PLXNA2: variants seen among roughly 807,000 people sequenced by gnomAD.
The protein encoded by PLXNA2 is plexin-A2.
In PLXNA2, 91 loss-of-function variants were observed where a neutral mutation model predicts 193.5. That is an observed-to-expected ratio of 0.47 (90% CI 0.40 to 0.56). The LOEUF (loss-of-function observed/expected upper bound fraction) is 0.56, where lower values mean the gene tolerates loss of function less well. PLXNA2 is among the 20% of genes least tolerant of loss of function. The probability of loss-of-function intolerance (pLI) is 0.00; values close to 1 mark genes in which losing one functional copy is unlikely to be tolerated. For synonymous variants in PLXNA2, 997 were observed against 1,027.3 expected (o/e 0.97, Z 0.56); for missense variants, 1,995 against 2,503.2 (o/e 0.80, Z 4.33).
At chr1:208,196,435 A>T (rs945602266) in intron 3 of PLXNA2, among the ~76,000 whole-genome samples, 2 of 152,234 alleles carry the variant, frequency 1.3e-5, no homozygotes, top group Non-Finnish European at 2.9e-5. Context: ...GCACTTACAC[A>T]GAGTGGGTAA....
chr1:208,134,036 AAC>A (rs1668233341), intron 4 of PLXNA2, among the ~76,000 whole-genome samples: 1 of 152,190 alleles, frequency 6.6e-6, no homozygotes. Flanking sequence ...GAGAGTCTCC[AAC>A]CCCCTTGCCC....
At chr1:208,138,506 C>T (rs570836998) in intron 4 of PLXNA2, among the ~76,000 whole-genome samples, 1 of 152,354 alleles carries the variant, frequency 6.6e-6, no homozygotes, top group South Asian at 2.1e-4. Flanking sequence ...CATAACCAAA[C>T]CAGCATTCCA....
At chr1:208,213,076 C>T (rs1412004021) in intron 2 of PLXNA2, among the ~76,000 whole-genome samples, 1 of 152,060 alleles carries the variant, frequency 6.6e-6, no homozygotes, top group African/African-American at 2.4e-5. Context: ...TAGCCCAAGT[C>T]AGCTTTTGAG....
chr1:208,043,323 G>C (rs377451465), intron 20 of PLXNA2, 120 bp from the exon 21 acceptor site: 8 of 907,096 alleles, frequency 8.8e-6, no homozygotes, highest in Middle Eastern at 3.3e-4. Flanking sequence ...TGAGGATTAC[G>C]GGAGTGTGTC....
At chr1:208,108,552 C>T (rs1667348552) in intron 4 of PLXNA2, among the ~76,000 whole-genome samples, 1 of 152,218 alleles carries the variant, frequency 6.6e-6, no homozygotes, top group African/African-American at 2.4e-5. Flanking sequence ...GAAGGACCCA[C>T]ATGGTTCTGA....
At position 208,096,007 on chromosome 1, in the gene PLXNA2, ACC is replaced by A; in HGVS notation, c.1982+20_1982+21del. 6.3e-7 allele frequency: 1 copy of A among 1,578,674 alleles called. No individual in the cohort carries two copies. Among genetic ancestry groups the A allele is most frequent in the Non-Finnish European group, 8.7e-7 (1 of 1,147,780 alleles). Reference sequence around the variant, plus strand: ...TACCCACATCCAGACCCAGAGCAAGACCCTTTCTAATAAGCACTTACAGTTGG... The same window carrying A: ...TACCCACATCCAGACCCAGAGCAAGACTTTCTAATAAGCACTTACAGTTGG... On this transcript the variant is annotated intron_variant, in intron 8 of 31. Coordinates refer to ENST00000367033, the MANE Select transcript of PLXNA2 (RefSeq NM_025179.4).
intron 17 of PLXNA2, among the ~76,000 whole-genome samples, chr1:208,049,141 G>A (rs1665169754): frequency 6.6e-6 from 1 of 152,024 alleles, no homozygotes; most frequent in African/African-American, 2.4e-5. Flanking sequence ...TTCTCCCTCC[G>A]CCTCCAGGCA....
At chr1:208,176,307 C>T (rs550654516) in intron 3 of PLXNA2, among the ~76,000 whole-genome samples, 2 of 152,280 alleles carry the variant, frequency 1.3e-5, no homozygotes, top group Admixed American at 6.5e-5. Flanking sequence ...GAGGCTGTCA[C>T]CCCTTCTTTA....
At chr1:208,231,328 C>G (rs1362735358) in intron 1 of PLXNA2, among the ~76,000 whole-genome samples, 3 of 151,988 alleles carry the variant, frequency 2.0e-5, no homozygotes, top group African/African-American at 7.3e-5. Flanking sequence ...GGTAAACAGC[C>G]AGGAGGGACC....
intron 7 of PLXNA2, 27 bp from the exon 8 acceptor site, chr1:208,096,152 G>A: frequency 1.9e-6 from 3 of 1,583,314 alleles, no homozygotes; most frequent in Non-Finnish European, 2.6e-6. Flanking sequence ...AAAAGGATGG[G>A]GTTGGGTAAC....
intron 1 of PLXNA2, among the ~76,000 whole-genome samples, chr1:208,242,278 T>C (rs1470215988): frequency 1.3e-5 from 2 of 152,032 alleles, no homozygotes; most frequent in Admixed American, 6.6e-5. Context: ...GAGACTGCTA[T>C]TGTGTGGGGA....
intron 1 of PLXNA2, among the ~76,000 whole-genome samples, chr1:208,218,398 C>T (rs1391056966): frequency 1.3e-5 from 2 of 152,150 alleles, no homozygotes; most frequent in African/African-American, 2.4e-5. Context: ...CAGTGGAAGT[C>T]GCTCCTGTTT....
At chr1:208,151,481 T>C (rs942533778) in intron 3 of PLXNA2, among the ~76,000 whole-genome samples, 21 of 152,274 alleles carry the variant, frequency 1.4e-4, no homozygotes, top group Admixed American at 1.3e-3. Context: ...TGAGAACTGA[T>C]GGAATTAGGC....
rs567433916 is a variant in PLXNA2 at position 208,138,469 on chromosome 1, C to T, written c.1506+3860G>A. On this transcript the variant is annotated intron_variant, in intron 4 of 31. Coordinates refer to ENST00000367033, the MANE Select transcript of PLXNA2 (RefSeq NM_025179.4). Reference sequence around the variant, plus strand: ...TGGCTTGAGTAGGAGGCAACCCCATCATAAGTCGAGAGCATGTGTACATAT... The same window carrying T: ...TGGCTTGAGTAGGAGGCAACCCCATTATAAGTCGAGAGCATGTGTACATAT... Among the ~76,000 whole-genome samples the T allele has an allele frequency of 2.8e-3, 421 of 152,316 alleles. 3 individuals are homozygous for T. The highest frequency in any genetic ancestry group is 5.2e-3 in the Non-Finnish European group (353 of 68,028).
intron 12 of PLXNA2, among the ~76,000 whole-genome samples, chr1:208,064,172 T>A (rs889754866): frequency 1.3e-5 from 2 of 152,172 alleles, no homozygotes; most frequent in African/African-American, 4.8e-5. Flanking sequence ...CACTCCCAGG[T>A]GTCTTTTGAG....
intron 3 of PLXNA2, among the ~76,000 whole-genome samples, chr1:208,168,376 G>A (rs1669376661): frequency 1.3e-5 from 2 of 152,204 alleles, no homozygotes; most frequent in African/African-American, 4.8e-5. Flanking sequence ...GCACTAGAAT[G>A]CAACAGGTGC....
chr1:208,165,099 T>C (rs180828468), intron 3 of PLXNA2, among the ~76,000 whole-genome samples: 89 of 152,194 alleles, frequency 5.8e-4, no homozygotes, highest in Non-Finnish European at 1.1e-3. Context: ...TTGCCTCTTT[T>C]CTAAGGCCTG....
At chr1:208,221,822 T>A (rs999927532) in intron 1 of PLXNA2, among the ~76,000 whole-genome samples, 2 of 152,144 alleles carry the variant, frequency 1.3e-5, no homozygotes, top group African/African-American at 4.8e-5. Context: ...GATATAACAA[T>A]TAAATGCATG....
intron 3 of PLXNA2, among the ~76,000 whole-genome samples, chr1:208,153,575 G>A (rs1027323333): frequency 1.1e-4 from 16 of 152,186 alleles, no homozygotes; most frequent in Non-Finnish European, 2.1e-4. Flanking sequence ...GCTCTTAGGA[G>A]GAAAGTAGTA....
Sources: gnomAD v4.1 joint callset for allele counts (sites outside exome capture counted in the v4.1 genomes callset) on GRCh38, gnomAD v4.1.1 for gene constraint, MANE v1.5 for transcripts, NCBI Gene and HGNC (gene_info 2026-07-23, HGNC 2026-07-21) for gene names.